Variants in RNPC3 observed in about 807,000 individuals in gnomAD.
The protein encoded by RNPC3 is RNA binding region (RNP1, RRM) containing 3.
A neutral mutation model predicts 67.5 loss-of-function variants in RNPC3; 48 were observed. The observed-to-expected ratio is 0.71, with a 90% CI of 0.56 to 0.90. The LOEUF (loss-of-function observed/expected upper bound fraction) is 0.90, where lower values mean the gene tolerates loss of function less well. RNPC3 is among the 40% of genes least tolerant of loss of function. The pLI is 0.00. For missense variants in RNPC3, 637 were observed against 626.1 expected (o/e 1.02, Z -0.19); for synonymous variants, 239 against 210.3 (o/e 1.14, Z -1.18).
chr1:103,532,427 G>A (rs1260887083), intron 2 of RNPC3, among the ~76,000 whole-genome samples: 1 of 152,094 alleles, frequency 6.6e-6, no homozygotes, highest in Non-Finnish European at 1.5e-5. Context: ...AATTTGAAAT[G>A]TTTGTTAGAT....
At chr1:103,536,482 C>T (rs906098255) in intron 6 of RNPC3, among the ~76,000 whole-genome samples, 7 of 152,088 alleles carry the variant, frequency 4.6e-5, no homozygotes, top group Non-Finnish European at 8.8e-5. Context: ...AACTAAATTA[C>T]CTAAAGATTT....
Position 103,533,804 on chromosome 1 carries a change from G to T in RNPC3, c.306G>T (p.Glu102Asp). The T allele has an allele frequency of 6.5e-7, 1 of 1,533,944 alleles. No individual in the cohort carries two copies. Among genetic ancestry groups the T allele is most frequent in the Non-Finnish European group, 8.7e-7 (1 of 1,145,162 alleles). ...GHTLVVEFAK[E>D]QDRVHSPCPT... Reference sequence around the variant, plus strand: ...CTTTAGTCGTTGAATTTGCAAAAGAGCAAGATCGAGTTCACTCCCCATGTC... The same window carrying T: ...CTTTAGTCGTTGAATTTGCAAAAGATCAAGATCGAGTTCACTCCCCATGTC... The change falls in exon 3 of 15, where the codon GAG (glutamate) becomes GAT (aspartate). Residue 102 changes from glutamate (E) to aspartate (D), a missense_variant. This residue lies in a region of RNPC3 where 536 missense variants were observed against 500.3 expected (regional missense o/e 1.07). Transcript: ENST00000423855.
intron 1 of RNPC3, among the ~76,000 whole-genome samples, chr1:103,526,584 C>T (rs1271901790): frequency 6.6e-6 from 1 of 152,138 alleles, no homozygotes; most frequent in African/African-American, 2.4e-5. Flanking sequence ...GGTTATTTCT[C>T]CTGGACTCAA....
At chr1:103,530,549 C>G (rs1481463759) in intron 2 of RNPC3, among the ~76,000 whole-genome samples, 1 of 152,040 alleles carries the variant, frequency 6.6e-6, no homozygotes, top group Non-Finnish European at 1.5e-5. Flanking sequence ...TGGGAGTGAT[C>G]ATTGGATTTG....
chr1:103,540,389 G>C (rs1651095873), intron 7 of RNPC3, among the ~76,000 whole-genome samples: 5 of 152,090 alleles, frequency 3.3e-5, no homozygotes, highest in Admixed American at 3.3e-4. Context: ...TTGGATAAGG[G>C]GTGCTCAACC....
rs549760036 is a variant in RNPC3, at chr1:103,529,711, T to C, written c.240+1969T>C. ...GAGGTCTAAAGTTCATTTAGGGTCT[T>C]GAAAATTATTGAAACATTTTAAAAT... On this transcript the variant is annotated intron_variant, in intron 2 of 14. Transcript: ENST00000423855. 3.9e-5 allele frequency among the ~76,000 whole-genome samples: 6 copies of C among 152,334 alleles called. No homozygotes were observed. The East Asian group carries it at 1.2e-3, about 29-fold the overall frequency.
At chr1:103,536,842 G>C (rs560314335) in intron 6 of RNPC3, among the ~76,000 whole-genome samples, 1 of 151,756 alleles carries the variant, frequency 6.6e-6, no homozygotes, top group East Asian at 1.9e-4. Flanking sequence ...AATTAGTTAA[G>C]GTTATACTAG....
chr1:103,529,677 GATAAT>G (rs1650797750), intron 2 of RNPC3, among the ~76,000 whole-genome samples: 1 of 152,228 alleles, frequency 6.6e-6, no homozygotes, highest in Non-Finnish European at 1.5e-5. Context: ...AGGCTTCACT[GATAAT>G]AAAGAGGTCT....
intron 7 of RNPC3, 25 bp downstream of exon 7, chr1:103,537,509 A>G: frequency 2.0e-6 from 3 of 1,521,146 alleles, no homozygotes; most frequent in Non-Finnish European, 8.8e-7. Context: ...AAATTTGTTT[A>G]GTTTCCAAGA....
At chr1:103,551,814 T>C (rs1651394810) in intron 14 of RNPC3, 22 bp downstream of exon 14, 2 of 1,166,046 alleles carry the variant, frequency 1.7e-6, no homozygotes, top group Non-Finnish European at 1.2e-6. Flanking sequence ...TAAAACATAA[T>C]AAAAAGACAA....
intron 7 of RNPC3, among the ~76,000 whole-genome samples, chr1:103,538,696 G>A (rs972679049): frequency 2.0e-5 from 3 of 152,110 alleles, no homozygotes; most frequent in Non-Finnish European, 4.4e-5. Context: ...CATCGACCAT[G>A]TTCATGTTTT....
Position 103,534,803 on chromosome 1 carries a change from A to T in RNPC3, c.389A>T (p.Glu130Val). ...RSDDPVEDDKEKKELGYLTVE... is the reference protein window; with the variant it reads ...RSDDPVEDDKVKKELGYLTVE... ...GATGACCCTGTCGAAGATGATAAAG[A>T]AAAAAAAGAACTTGGTTATTTAACA... The change falls in exon 4 of 15, where the codon GAA (glutamate) becomes GTA (valine). Residue 130 changes from glutamate to valine, a missense_variant. Transcript: ENST00000423855. The T allele has an allele frequency of 6.5e-7, 1 of 1,528,350 alleles. No individual in the cohort carries two copies. The allele number at this position is 1,528,350 out of a possible 1,614,324, so 94.7% of individuals were successfully genotyped here.
intron 9 of RNPC3, among the ~76,000 whole-genome samples, chr1:103,544,321 G>A (rs1459452976): frequency 6.6e-6 from 1 of 151,540 alleles, no homozygotes; most frequent in African/African-American, 2.4e-5. Flanking sequence ...GTTATCTAGC[G>A]GCCTCCATGG....
At chr1:103,528,395 C>G (rs890349749) in intron 2 of RNPC3, among the ~76,000 whole-genome samples, 2 of 151,924 alleles carry the variant, frequency 1.3e-5, no homozygotes, top group Admixed American at 1.3e-4. Context: ...GGTAGGAGAC[C>G]AAATGGAAGG....
At chr1:103,544,880 A>G (rs1007331766) in intron 9 of RNPC3, 61 bp from the exon 10 acceptor site, 3 of 1,052,508 alleles carry the variant, frequency 2.9e-6, no homozygotes, top group Admixed American at 6.0e-5. Flanking sequence ...GGAGGTGGGG[A>G]CCCAAAAACT....
intron 12 of RNPC3, among the ~76,000 whole-genome samples, chr1:103,547,375 C>T (rs967533930): frequency 6.6e-5 from 10 of 152,150 alleles, no homozygotes; most frequent in Admixed American, 2.6e-4. Flanking sequence ...AGAAACAGGT[C>T]GGTGATGGAT....
In RNPC3 at chr1:103,526,105, G is replaced by C; in HGVS notation, c.35G>C (p.Arg12Thr). 6.5e-7 allele frequency: 1 copy of C among 1,550,044 alleles called. No individual in the cohort carries two copies. The highest frequency in any genetic ancestry group is 8.7e-7 in the Non-Finnish European group (1 of 1,146,044). The change falls in exon 1 of 15, where the codon AGG (arginine) becomes ACG (threonine). Residue 12 changes from arginine to threonine, a missense_variant. By Grantham distance (71) the Arg-to-Thr change is moderately conservative. This residue lies in a region of RNPC3 where 536 missense variants were observed against 500.3 expected (regional missense o/e 1.07). Transcript: ENST00000423855. ...AAPEQPLAIS[R>T]GCTSSSSLSP... ...CCCGAGCAGCCGCTTGCGATATCAA[G>C]GGGATGCACGAGCTCCTCCTCGCTT...
At chr1:103,551,965 C>T in intron 14 of RNPC3, 173 bp downstream of exon 14, 1 of 432,796 alleles carries the variant, frequency 2.3e-6, no homozygotes. Context: ...CAGATTAAAA[C>T]CCATTTATAT....
intron 7 of RNPC3, 127 bp downstream of exon 7, chr1:103,537,611 C>G: frequency 1.5e-6 from 1 of 668,542 alleles, no homozygotes; most frequent in Non-Finnish European, 2.4e-6. Context: ...TGTCCTCAGC[C>G]CCCCAGCACC....
Sources: gnomAD v4.1 joint callset for allele counts (sites outside exome capture counted in the v4.1 genomes callset) on GRCh38, gnomAD v4.1.1 for gene constraint, gnomAD v4.1.1 regional missense constraint, MANE v1.5 for transcripts, NCBI Gene and HGNC (gene_info 2026-07-23, HGNC 2026-07-21) for gene names.